The following ICA1L variants were observed in gnomAD, a reference collection of about 807,000 sequenced individuals.
ICA1L encodes the protein islet cell autoantigen 1-like protein.
A neutral mutation model predicts 61.3 loss-of-function variants in ICA1L; 50 were observed. The ratio of observed to expected loss-of-function variants is 0.82; its 90% confidence interval spans 0.65 to 1.03. The LOEUF (loss-of-function observed/expected upper bound fraction) is 1.03, where lower values mean the gene tolerates loss of function less well. Ranked by LOEUF, ICA1L falls within the 50% of genes least tolerant of loss-of-function variation. The probability of loss-of-function intolerance (pLI) is 0.00; values close to 1 mark genes in which losing one functional copy is unlikely to be tolerated. For synonymous variants in ICA1L, 161 were observed against 191.3 expected (o/e 0.84, Z 1.31); for missense variants, 508 against 556.7 (o/e 0.91, Z 0.88).
intron 1 of ICA1L, among the ~76,000 whole-genome samples, chr2:202,835,800 T>A (rs1694132880): frequency 6.6e-6 from 1 of 152,098 alleles, no homozygotes. Context: ...TCCTTCCACC[T>A]CAGCCTCCCA....
intron 1 of ICA1L, among the ~76,000 whole-genome samples, chr2:202,868,707 C>T (rs1687597727): frequency 6.6e-6 from 1 of 152,156 alleles, no homozygotes; most frequent in Non-Finnish European, 1.5e-5. Flanking sequence ...TGGCTCACGC[C>T]TGTAATCCCA....
rs373651135 is a variant in ICA1L, at chr2:202,803,716, C to T, written c.911-6752G>A. ...ACACCTGCCTAATTTTTTGTAGAGA[C>T]GGGGTTTCACCATGTTGCCCAGGCT... On this transcript the variant is annotated intron_variant, in intron 9 of 12. Transcript: ENST00000358299. Among the ~76,000 whole-genome samples, 118 of 151,998 alleles carry T rather than the reference C, an allele frequency of 7.8e-4. 1 individual carries two copies. The East Asian group carries it at 0.017, about 21-fold the overall frequency.
chr2:202,842,108 G>A (rs1397262911), intron 1 of ICA1L, among the ~76,000 whole-genome samples: 1 of 152,094 alleles, frequency 6.6e-6, no homozygotes, highest in Non-Finnish European at 1.5e-5. Context: ...GCCTGCCTCA[G>A]CCTCCCAAAG....
At position 202,828,851 on chromosome 2, in the gene ICA1L, A is replaced by G. The variant is rs1693924837; in HGVS notation, c.159T>C (p.Leu53=). 5 of 1,613,694 alleles carry G rather than the reference A, an allele frequency of 3.1e-6. No individual in the cohort carries two copies. The Admixed American group carries it at 8.3e-5, about 27-fold the overall frequency. The change falls in exon 2 of 13, where the codon CTT becomes CTC. Residue 53 remains leucine, a synonymous_variant. Coordinates refer to ENST00000358299, the MANE Select transcript of ICA1L (RefSeq NM_001288622.3). ...VASDAELDAK[L]EVFHSVQETC... ...TACATAGAATCCTCAAATTTACCTC[A>G]AGTTTAGCATCCAGTTCAGCATCAG...
intron 5 of ICA1L, among the ~76,000 whole-genome samples, chr2:202,818,579 C>A (rs1559137345): frequency 6.6e-6 from 1 of 152,038 alleles, no homozygotes. Context: ...TGGGAGGGAC[C>A]CAGTGAGAGA....
At chr2:202,845,345 G>A (rs1335941092) in intron 1 of ICA1L, among the ~76,000 whole-genome samples, 1 of 152,116 alleles carries the variant, frequency 6.6e-6, no homozygotes, top group Non-Finnish European at 1.5e-5. Flanking sequence ...AGATACTTGA[G>A]GCCCGGCATG....
At chr2:202,806,570 T>C (rs541056906) in intron 9 of ICA1L, among the ~76,000 whole-genome samples, 3 of 149,732 alleles carry the variant, frequency 2.0e-5, no homozygotes, top group Non-Finnish European at 4.4e-5. Context: ...CACCTGAACC[T>C]GGGAAGTCAA....
At chr2:202,835,454 C>A (rs894747578) in intron 1 of ICA1L, among the ~76,000 whole-genome samples, 4 of 151,898 alleles carry the variant, frequency 2.6e-5, no homozygotes, top group African/African-American at 7.3e-5. Flanking sequence ...GATCCTCCCA[C>A]CTTGGCCTCC....
At chr2:202,823,290 T>C (rs900602717) in intron 3 of ICA1L, among the ~76,000 whole-genome samples, 1 of 152,156 alleles carries the variant, frequency 6.6e-6, no homozygotes, top group African/African-American at 2.4e-5. Context: ...CCTACTGCAT[T>C]TGTCTGATGT....
At chr2:202,807,041 G>A (rs1693246491) in intron 9 of ICA1L, among the ~76,000 whole-genome samples, 1 of 152,138 alleles carries the variant, frequency 6.6e-6, no homozygotes, top group African/African-American at 2.4e-5. Flanking sequence ...GGGAGAGGAG[G>A]CAGGGCAAGC....
At chr2:202,864,411 T>G (rs185391617) in intron 1 of ICA1L, among the ~76,000 whole-genome samples, 1 of 151,960 alleles carries the variant, frequency 6.6e-6, no homozygotes, top group South Asian at 2.1e-4. Context: ...GCCTGGCTAA[T>G]TTTTTTGTAT....
At chr2:202,840,118 CAAA>C (rs71030994) in intron 1 of ICA1L, among the ~76,000 whole-genome samples, 4 of 87,160 alleles carry the variant, frequency 4.6e-5, no homozygotes, top group Non-Finnish European at 9.7e-5. Context: ...TATTTTGGAC[CAAA>C]AAAAAAAAAA....
At chr2:202,799,365 T>C (rs989797859) in intron 9 of ICA1L, among the ~76,000 whole-genome samples, 22 of 152,236 alleles carry the variant, frequency 1.4e-4, no homozygotes, top group African/African-American at 5.1e-4. Context: ...ATTTCCCTGA[T>C]GATTAGTGAT....
chr2:202,865,580 G>T (rs1687479689), intron 1 of ICA1L, among the ~76,000 whole-genome samples: 1 of 151,952 alleles, frequency 6.6e-6, no homozygotes, highest in South Asian at 2.1e-4. Context: ...AAAGATGACT[G>T]CTCACACCAC....
rs1220442439 is a variant in ICA1L at position 202,849,870 on chromosome 2, G to C, written c.-7-20854C>G. On this transcript the variant is annotated intron_variant, in intron 1 of 12. Coordinates refer to ENST00000358299, the MANE Select transcript of ICA1L (RefSeq NM_001288622.3). This position sits in a 1 kb window ranked among gnomAD's most constrained non-coding sequence, Gnocchi z 4.5. ...CTGACTGGAAGACACCTCCCAGCAG[G>C]GGTCAACAGACACCTCATACAGGAG... Among the ~76,000 whole-genome samples, 44 of 152,162 alleles carry C rather than the reference G, an allele frequency of 2.9e-4. 1 individual carries two copies. The highest frequency in any genetic ancestry group is 2.9e-3 in the Admixed American group (44 of 15,284).
intron 10 of ICA1L, among the ~76,000 whole-genome samples, chr2:202,790,280 G>T (rs1441323688): frequency 6.6e-6 from 1 of 152,080 alleles, no homozygotes; most frequent in Non-Finnish European, 1.5e-5. Context: ...AGGCATCACG[G>T]ACCTGCACCC....
At chr2:202,858,969 G>A (rs969024047) in intron 1 of ICA1L, among the ~76,000 whole-genome samples, 4 of 152,182 alleles carry the variant, frequency 2.6e-5, no homozygotes, top group Non-Finnish European at 5.9e-5. Context: ...TGTGGTGGAT[G>A]GCTATATCAT....
At chr2:202,798,626 A>C (rs1193330665) in intron 9 of ICA1L, among the ~76,000 whole-genome samples, 1 of 152,200 alleles carries the variant, frequency 6.6e-6, no homozygotes, top group Non-Finnish European at 1.5e-5. Flanking sequence ...AGTAGTGGTC[A>C]AGTCAGGGTA....
intron 10 of ICA1L, among the ~76,000 whole-genome samples, chr2:202,790,726 G>A (rs1322130123): frequency 6.6e-6 from 1 of 152,124 alleles, no homozygotes; most frequent in Non-Finnish European, 1.5e-5. Context: ...TAAGAATATA[G>A]GGCCCCTGAT....
Sources: allele counts gnomAD v4.1 joint callset (sites outside exome capture counted in the v4.1 genomes callset), GRCh38; gene constraint gnomAD v4.1.1; non-coding constraint Gnocchi (gnomAD v3.1); transcripts MANE v1.5; gene names NCBI Gene and HGNC (gene_info 2026-07-23, HGNC 2026-07-21).